Variants in EYA2 observed in about 807,000 individuals in gnomAD.
EYA2 encodes EYA transcriptional coactivator and phosphatase 2.
In EYA2, 31 loss-of-function variants were observed where a neutral mutation model predicts 69.2. That is an observed-to-expected ratio of 0.45 (90% CI 0.34 to 0.60). The LOEUF (loss-of-function observed/expected upper bound fraction) is 0.60, where lower values mean the gene tolerates loss of function less well. Among genes scored for constraint, EYA2 ranks in the 20% least tolerant of loss-of-function variants. The pLI is 0.02. For missense variants in EYA2, 622 were observed against 701.2 expected, an observed-to-expected ratio of 0.89 and a Z score of 1.28; for synonymous variants, 257 against 279.4, an observed-to-expected ratio of 0.92 and a Z score of 0.80.
chr20:47,136,491 T>C (rs942917829), intron 9 of EYA2, among the ~76,000 whole-genome samples: 1 of 151,934 alleles, frequency 6.6e-6, no homozygotes, highest in Non-Finnish European at 1.5e-5. Context: ...TGCCTGTAAT[T>C]CCAGCACTTT....
chr20:47,006,389 A>G (rs1600632876), intron 4 of EYA2, among the ~76,000 whole-genome samples: 1 of 152,142 alleles, frequency 6.6e-6, no homozygotes, highest in Non-Finnish European at 1.5e-5. Context: ...TTTACAGCCC[A>G]CCCAAATCCG....
In EYA2 at chr20:46,933,079, A is replaced by G. The variant is rs530673968; in HGVS notation, c.-11+38092A>G. On this transcript the variant is annotated intron_variant, in intron 1 of 15. Transcript: ENST00000327619. Reference sequence around the variant, plus strand: ...ATTTATAAATTACTGTCTCAGGTATATCTTTATAGCTGTGTGAGAACAGAC... The same window carrying G: ...ATTTATAAATTACTGTCTCAGGTATGTCTTTATAGCTGTGTGAGAACAGAC... Among the ~76,000 whole-genome samples, 27 of 152,286 alleles carry G rather than the reference A, an allele frequency of 1.8e-4. No individual in the cohort carries two copies. In the South Asian group the frequency reaches 5.6e-3, roughly 32 times the overall value.
chr20:47,155,475 G>A (rs1262748211), intron 10 of EYA2, among the ~76,000 whole-genome samples: 1 of 151,932 alleles, frequency 6.6e-6, no homozygotes, highest in Non-Finnish European at 1.5e-5. Context: ...TGACTGAAGG[G>A]CTTGTCTGTA....
At chr20:47,158,594 G>T (rs1010508089) in intron 10 of EYA2, among the ~76,000 whole-genome samples, 1 of 151,882 alleles carries the variant, frequency 6.6e-6, no homozygotes, top group African/African-American at 2.4e-5. Flanking sequence ...TAGCAATGAG[G>T]ATACTCAGAT....
chr20:47,073,502 G>A (rs1189125393), intron 6 of EYA2, among the ~76,000 whole-genome samples: 2 of 151,858 alleles, frequency 1.3e-5, no homozygotes, highest in Admixed American at 1.3e-4. Flanking sequence ...CGTGGGGGGG[G>A]GGTGCAGTGT....
intron 1 of EYA2, among the ~76,000 whole-genome samples, chr20:46,950,704 T>C (rs889392511): frequency 6.6e-6 from 1 of 152,238 alleles, no homozygotes; most frequent in African/African-American, 2.4e-5. Flanking sequence ...TTTGGCTTGC[T>C]GCACAGCTTT....
intron 4 of EYA2, among the ~76,000 whole-genome samples, chr20:47,014,076 GAT>G (rs1304371914): frequency 1.3e-5 from 2 of 152,172 alleles, no homozygotes; most frequent in Non-Finnish European, 2.9e-5. Flanking sequence ...GGATAAAAGA[GAT>G]GTGTTCTTTA....
intron 1 of EYA2, among the ~76,000 whole-genome samples, chr20:46,897,963 G>T (rs1191368427): frequency 6.6e-6 from 1 of 152,106 alleles, no homozygotes; most frequent in Non-Finnish European, 1.5e-5. Context: ...TGGGGAGAAG[G>T]ATTGGTGTCA....
chr20:47,000,512 G>A (rs1314466101), intron 2 of EYA2, among the ~76,000 whole-genome samples: 2 of 152,202 alleles, frequency 1.3e-5, no homozygotes, highest in African/African-American at 4.8e-5. Context: ...GCAGGTTGAC[G>A]CTGTTCCCAT....
rs777311954 is a variant in EYA2, at chr20:47,172,707, C to T, written c.1038C>T (p.Ser346=). ...TGTCCCTCCCCTCCTCTCTCCGCAG[C>T]ACATACAACTTCTCCGCTGACGGCT... ...VSSDDNGQDL[S]TYNFSADGFH... Residue 346 remains serine, a splice_region_variant and synonymous_variant, in exon 12 of 16, where the codon AGC becomes AGT. Transcript: ENST00000327619. 3.1e-6 allele frequency: 5 copies of T among 1,609,996 alleles called. No individual in the cohort carries two copies. The African/African-American group carries it at 5.3e-5, about 17-fold the overall frequency.
At chr20:47,135,501 G>C (rs2033442666) in intron 9 of EYA2, among the ~76,000 whole-genome samples, 2 of 150,798 alleles carry the variant, frequency 1.3e-5, no homozygotes, top group African/African-American at 4.9e-5. Flanking sequence ...TTATTATTCA[G>C]CCAGGAGTTA....
chr20:47,101,774 A>G (rs2032429250), intron 9 of EYA2, among the ~76,000 whole-genome samples: 1 of 152,196 alleles, frequency 6.6e-6, no homozygotes, highest in Admixed American at 6.5e-5. Context: ...GAGAAGTAAT[A>G]AGGATGTAGA....
At position 47,116,707 on chromosome 20, in the gene EYA2, C is replaced by T. The variant is rs145370146; in HGVS notation, c.888+19539C>T. 6.1e-3 allele frequency among the ~76,000 whole-genome samples: 932 copies of T among 152,302 alleles called. 9 individuals are homozygous for T. The highest frequency in any genetic ancestry group is 8.1e-3 in the Non-Finnish European group (554 of 68,028). ...CACCCTTCCTTCCCCTCCACTCTCA[C>T]GCTCCCACTGTGTCAACAGCCCTTC... is the stretch of plus-strand genomic sequence containing the variant. On this transcript the variant is annotated intron_variant, in intron 9 of 15. Coordinates refer to ENST00000327619, the MANE Select transcript of EYA2 (RefSeq NM_005244.5).
intron 11 of EYA2, among the ~76,000 whole-genome samples, chr20:47,170,714 G>T (rs1263832214): frequency 6.6e-6 from 1 of 151,558 alleles, no homozygotes; most frequent in East Asian, 1.9e-4. Context: ...GCCTGCCCCT[G>T]GGAAAACTTT....
At chr20:47,045,332 G>T (rs1025627860) in intron 5 of EYA2, among the ~76,000 whole-genome samples, 1 of 152,158 alleles carries the variant, frequency 6.6e-6, no homozygotes, top group African/African-American at 2.4e-5. Flanking sequence ...ATAGTACTGG[G>T]TTCTAAGGAA....
intron 1 of EYA2, among the ~76,000 whole-genome samples, chr20:46,975,848 G>T (rs1367402875): frequency 6.6e-6 from 1 of 152,230 alleles, no homozygotes; most frequent in Non-Finnish European, 1.5e-5. Flanking sequence ...CCAGGAGGAA[G>T]TAGAGTAAAA....
intron 2 of EYA2, among the ~76,000 whole-genome samples, chr20:46,994,516 C>G (rs974264819): frequency 1.3e-5 from 2 of 152,194 alleles, no homozygotes; most frequent in South Asian, 4.1e-4. Context: ...GCTCTCACTT[C>G]CTGCACCTCC....
At chr20:46,947,364 TTA>T (rs1485689049) in intron 1 of EYA2, among the ~76,000 whole-genome samples, 1 of 152,146 alleles carries the variant, frequency 6.6e-6, no homozygotes, top group African/African-American at 2.4e-5. Context: ...AGGACATATT[TTA>T]TATGTCACCC....
chr20:46,992,458 C>G (rs1981741481), intron 2 of EYA2, among the ~76,000 whole-genome samples: 1 of 152,176 alleles, frequency 6.6e-6, no homozygotes, highest in Non-Finnish European at 1.5e-5. Flanking sequence ...GCCCATTTTA[C>G]AGACATGGAA....
Sources: allele counts gnomAD v4.1 joint callset (sites outside exome capture counted in the v4.1 genomes callset), GRCh38; gene constraint gnomAD v4.1.1; transcripts MANE v1.5; gene names NCBI Gene and HGNC (gene_info 2026-07-23, HGNC 2026-07-21).